NSD1: variants seen among roughly 807,000 people sequenced by gnomAD.
The protein encoded by NSD1 is nuclear receptor binding SET domain protein 1, also known as histone-lysine N-methyltransferase, H3 lysine-36 specific.
Under a neutral mutation model 242.7 loss-of-function variants are expected in NSD1, and 26 were observed. The observed-to-expected ratio is 0.11, with a 90% CI of 0.08 to 0.15. The LOEUF is 0.15. Ranked by LOEUF, NSD1 falls within the 10% of genes least tolerant of loss-of-function variation. NSD1 has a pLI of 1.00. For missense variants in NSD1, 2,495 were observed against 3,272.8 expected, an observed-to-expected ratio of 0.76 and a Z score of 5.80; for synonymous variants, 1,106 against 1,178.1, an observed-to-expected ratio of 0.94 and a Z score of 1.25.
intron 2 of NSD1, among the ~76,000 whole-genome samples, chr5:177,178,687 C>A (rs542943247): frequency 6.6e-6 from 1 of 152,276 alleles, no homozygotes; most frequent in South Asian, 2.1e-4. Flanking sequence ...TCACTGCATC[C>A]TCGACCTCCT....
At chr5:177,200,987 C>T (rs1039537390) in intron 3 of NSD1, among the ~76,000 whole-genome samples, 2 of 151,528 alleles carry the variant, frequency 1.3e-5, no homozygotes, top group Non-Finnish European at 2.9e-5. Context: ...ACTTCTGTCT[C>T]CTGGGTTCAA....
At chr5:177,206,392 G>A (rs6872993) in intron 4 of NSD1, among the ~76,000 whole-genome samples, 31,414 of 151,942 alleles carry the variant, frequency 0.21, 3,796 homozygotes, top group East Asian at 0.44. Flanking sequence ...TTCTCATGTC[G>A]GTTTCCCAAA....
intron 2 of NSD1, among the ~76,000 whole-genome samples, chr5:177,148,717 C>T (rs1036474106): frequency 3.9e-5 from 6 of 152,268 alleles, no homozygotes; most frequent in South Asian, 2.1e-4. Context: ...TGAGCCACCA[C>T]GCCTGGCCCA....
intron 2 of NSD1, among the ~76,000 whole-genome samples, chr5:177,158,998 T>TTATATATATATATGAATGATA (rs1554173190): frequency 1.6e-5 from 2 of 122,612 alleles, no homozygotes; most frequent in African/African-American, 7.6e-5. Context: ...ATGAATGATT[T>TTATATATATATATGAATGATA]TATATATATA....
At position 177,134,741 on chromosome 5, in the gene NSD1, C is replaced by A. The variant is rs1258634761; in HGVS notation, c.-17-346C>A. 6.6e-6 allele frequency among the ~76,000 whole-genome samples: 1 copy of A among 152,168 alleles called. No individual in the cohort carries two copies. The highest frequency in any genetic ancestry group is 2.4e-5 in the African/African-American group (1 of 41,440). On this transcript the variant is annotated intron_variant, in intron 1 of 22. Transcript: ENST00000439151. The surrounding 1 kb of genome is among the most constrained non-coding windows in gnomAD (Gnocchi z 4.2). ...TTTGCTTTTGAGAGATCCAGCTGCT[C>A]GACCCCTGGCGAGGGAGGGGGAGGA...
intron 3 of NSD1, among the ~76,000 whole-genome samples, chr5:177,196,325 A>C (rs968054846): frequency 6.6e-6 from 1 of 152,242 alleles, no homozygotes; most frequent in Admixed American, 6.5e-5. Context: ...TCATTTTAAA[A>C]GTTCACTGTG....
At chr5:177,265,863 G>C (rs891857684) in intron 14 of NSD1, 16 of 1,468,474 alleles carry the variant, frequency 1.1e-5, no homozygotes, top group Middle Eastern at 1.7e-4. Context: ...TAGTCATTCT[G>C]CTTCACTTGC....
chr5:177,244,254 A>T lies in NSD1; in HGVS notation c.4362A>T (p.Ser1454=), dbSNP rs1303302743. Reference sequence around the variant, plus strand: ...CTGAATCTTGTGCCACATCTTATTCAAAAGATTTTGGTGGAGGTGAGTATT... The same window carrying T: ...CTGAATCTTGTGCCACATCTTATTCTAAAGATTTTGGTGGAGGTGAGTATT... ...GITESCATSY[S]KDFGGGTTKI... Residue 1454 remains serine (S), a synonymous_variant, in exon 9 of 23, where the codon TCA becomes TCT. Transcript: ENST00000439151. The T allele has an allele frequency of 1.2e-6, 2 of 1,613,382 alleles. No homozygotes were observed. The highest frequency in any genetic ancestry group is 1.7e-4 in the Middle Eastern group (1 of 5,996).
At chr5:177,280,420 G>C in intron 17 of NSD1, 145 bp from the exon 18 acceptor site, 1 of 912,822 alleles carries the variant, frequency 1.1e-6, no homozygotes, top group South Asian at 1.4e-5. Context: ...GTGAGGCTCT[G>C]TTTTTATATG....
chr5:177,222,975 T>C (rs1023354287), intron 5 of NSD1, among the ~76,000 whole-genome samples: 1 of 152,222 alleles, frequency 6.6e-6, no homozygotes, highest in African/African-American at 2.4e-5. Flanking sequence ...CTAAAACCTT[T>C]GATGCATTTT....
At chr5:177,172,645 G>A (rs1343023288) in intron 2 of NSD1, among the ~76,000 whole-genome samples, 1 of 152,048 alleles carries the variant, frequency 6.6e-6, no homozygotes, top group Non-Finnish European at 1.5e-5. Context: ...TTTGTGAATC[G>A]CTGAGGCAAA....
At chr5:177,158,008 G>A (rs556954478) in intron 2 of NSD1, among the ~76,000 whole-genome samples, 2 of 152,264 alleles carry the variant, frequency 1.3e-5, no homozygotes, top group Admixed American at 6.5e-5. Flanking sequence ...ATCACTTGAC[G>A]GACATTTTGT....
intron 5 of NSD1, among the ~76,000 whole-genome samples, chr5:177,227,125 A>C (rs1244234418): frequency 2.0e-5 from 3 of 152,222 alleles, no homozygotes; most frequent in Non-Finnish European, 4.4e-5. Flanking sequence ...AATAACATGG[A>C]AAGATGGGGA....
chr5:177,183,196 G>A (rs557871013), intron 2 of NSD1, among the ~76,000 whole-genome samples: 15 of 152,098 alleles, frequency 9.9e-5, no homozygotes, highest in Middle Eastern at 3.4e-3. Flanking sequence ...TTTATACATT[G>A]AATACAACAA....
chr5:177,265,612 A>G, intron 14 of NSD1: 1 of 1,473,556 alleles, frequency 6.8e-7, no homozygotes, highest in Non-Finnish European at 9.5e-7. Context: ...GGTCGCACAG[A>G]TGGCCCCTGA....
intron 17 of NSD1, among the ~76,000 whole-genome samples, chr5:177,279,913 G>A (rs1025007812): frequency 2.0e-5 from 3 of 150,272 alleles, no homozygotes; most frequent in African/African-American, 7.3e-5. Context: ...CACCAGGCGC[G>A]GCTGAAATTA....
In NSD1 at chr5:177,138,094, A is replaced by C. The variant is rs138918885; in HGVS notation, c.927+2064A>C. Among the ~76,000 whole-genome samples, 1,266 of 136,288 alleles carry C rather than the reference A, an allele frequency of 9.3e-3. 31 individuals are homozygous for C. Among genetic ancestry groups the C allele is most frequent in the Non-Finnish European group, 9.0e-3 (590 of 65,858 alleles). The allele number at this position is 136,288 out of a possible 152,430, so 89.4% of individuals were successfully genotyped here. A position where few individuals can be genotyped will look rare whatever the true frequency, so the allele number is the denominator to read the frequency against. On this transcript the variant is annotated intron_variant, in intron 2 of 22. Transcript: ENST00000439151. ...CTGTCTCAAAAAAAAAAACAACAAA[A>C]AAACAAACAAACAAACAAACAAAAA... is the stretch of plus-strand genomic sequence containing the variant.
In NSD1 at chr5:177,288,869, A is replaced by T. The variant is rs763764533; in HGVS notation, c.6202A>T (p.Thr2068Ser). The change falls in exon 21 of 23, where the codon ACT (threonine) becomes TCT (serine). Residue 2068 changes from threonine (T) to serine (S), a missense_variant. Physicochemically the swap from Thr to Ser is moderately conservative, Grantham distance 58. Coordinates refer to ENST00000439151, the MANE Select transcript of NSD1 (RefSeq NM_022455.5). ...YNLECLGNGK[T>S]VCKCGAPNCS... Reference sequence around the variant, plus strand: ...CCTAGAATGTCTTGGGAATGGAAAGACTGTTTGCAAATGTGGAGCCCCGAA... The same window carrying T: ...CCTAGAATGTCTTGGGAATGGAAAGTCTGTTTGCAAATGTGGAGCCCCGAA... The T allele has an allele frequency of 2.0e-5, 33 of 1,614,048 alleles. No homozygotes were observed. The South Asian group carries it at 3.6e-4, about 18-fold the overall frequency.
At chr5:177,187,260 A>G (rs930717186) in intron 2 of NSD1, among the ~76,000 whole-genome samples, 3 of 151,938 alleles carry the variant, frequency 2.0e-5, no homozygotes, top group East Asian at 3.9e-4. Context: ...ACACACCACC[A>G]TGCTCGGCTA....
Sources: gnomAD v4.1 joint callset for allele counts (sites outside exome capture counted in the v4.1 genomes callset) on GRCh38, gnomAD v4.1.1 for gene constraint, Gnocchi (gnomAD v3.1) non-coding constraint, MANE v1.5 for transcripts, NCBI Gene and HGNC (gene_info 2026-07-23, HGNC 2026-07-21) for gene names.